TYW1B: variants seen among roughly 807,000 people sequenced by gnomAD.
TYW1B encodes tRNA-yW synthesizing protein 1 homolog B.
In TYW1B, 73 loss-of-function variants were observed where a neutral mutation model predicts 86.9. The ratio of observed to expected loss-of-function variants is 0.84; its 90% CI spans 0.70 to 1.02. The LOEUF (loss-of-function observed/expected upper bound fraction) is 1.02. Ranked by LOEUF, TYW1B falls within the 50% of genes least tolerant of loss-of-function variation. TYW1B has a pLI of 0.00. For synonymous variants in TYW1B, 248 were observed against 292.8 expected, an observed-to-expected ratio of 0.85 and a Z score of 1.56; for missense variants, 637 against 827.4, an observed-to-expected ratio of 0.77 and a Z score of 2.82.
intron 11 of TYW1B, among the ~76,000 whole-genome samples, chr7:72,678,890 A>T (rs1375729261): frequency 9.2e-5 from 14 of 151,854 alleles, no homozygotes; most frequent in African/African-American, 3.4e-4. Context: ...TGAGGCCAGG[A>T]GTTTAAGACA....
intron 13 of TYW1B, among the ~76,000 whole-genome samples, chr7:72,583,685 T>C (rs537272301): frequency 2.6e-5 from 4 of 152,184 alleles, no homozygotes; most frequent in African/African-American, 9.6e-5. Flanking sequence ...AGCCAAAAAA[T>C]GTAGGGCAGA....
At chr7:72,577,238 A>G (rs1321761761) in intron 13 of TYW1B, among the ~76,000 whole-genome samples, 2 of 152,154 alleles carry the variant, frequency 1.3e-5, no homozygotes, top group African/African-American at 4.8e-5. Flanking sequence ...TGAATTTAGA[A>G]TATTAAAATA....
At chr7:72,577,725 G>A (rs1811056035) in intron 13 of TYW1B, among the ~76,000 whole-genome samples, 1 of 152,190 alleles carries the variant, frequency 6.6e-6, no homozygotes, top group Non-Finnish European at 1.5e-5. Flanking sequence ...CAGACGGCCT[G>A]AGACTGTGCC....
intron 11 of TYW1B, among the ~76,000 whole-genome samples, chr7:72,674,657 T>G (rs1169198603): frequency 6.6e-6 from 1 of 152,156 alleles, no homozygotes; most frequent in African/African-American, 2.4e-5. Context: ...TAAGGTTGAT[T>G]CCTGTGCTTA....
intron 10 of TYW1B, among the ~76,000 whole-genome samples, chr7:72,703,296 T>C (rs1207622916): frequency 2.0e-5 from 3 of 150,916 alleles, no homozygotes; most frequent in Non-Finnish European, 4.4e-5. Flanking sequence ...AGTGCTGGGA[T>C]TACAGGCGTG....
At chr7:72,735,882 AT>A (rs1236337614) in intron 8 of TYW1B, among the ~76,000 whole-genome samples, 59 of 151,666 alleles carry the variant, frequency 3.9e-4, no homozygotes, top group African/African-American at 1.2e-3. Flanking sequence ...AAAAAAAAAA[AT>A]TCACATACCG....
chr7:72,677,751 G>T (rs554061784), intron 11 of TYW1B, among the ~76,000 whole-genome samples: 1 of 152,186 alleles, frequency 6.6e-6, no homozygotes, highest in East Asian at 1.9e-4. Flanking sequence ...CACCAGGCTG[G>T]AGTGCAGTAG....
chr7:72,652,371 C>T (rs1320794623), intron 11 of TYW1B, among the ~76,000 whole-genome samples: 3 of 82,276 alleles, frequency 3.6e-5, no homozygotes, highest in Non-Finnish European at 6.5e-5. Context: ...GAGCAAGACT[C>T]TGTCTGAAAA....
chr7:72,770,223 G>C (rs1554469249), intron 7 of TYW1B, among the ~76,000 whole-genome samples: 2 of 151,844 alleles, frequency 1.3e-5, no homozygotes, highest in Non-Finnish European at 2.9e-5. Flanking sequence ...GAGGTCAAGA[G>C]ATCAAGACCA....
At chr7:72,677,134 T>C (rs542819154) in intron 11 of TYW1B, among the ~76,000 whole-genome samples, 15 of 152,270 alleles carry the variant, frequency 9.9e-5, no homozygotes, top group African/African-American at 3.4e-4. Flanking sequence ...TGTATGTATG[T>C]ATGCATGTAT....
intron 13 of TYW1B, among the ~76,000 whole-genome samples, chr7:72,600,434 T>C (rs1811637882): frequency 6.6e-6 from 1 of 152,154 alleles, no homozygotes; most frequent in Non-Finnish European, 1.5e-5. Flanking sequence ...CTAGGTGACC[T>C]TGAATGTGGC....
intron 6 of TYW1B, among the ~76,000 whole-genome samples, chr7:72,798,143 C>T (rs1325634932): frequency 3.9e-5 from 6 of 152,144 alleles, no homozygotes; most frequent in East Asian, 1.9e-4. Context: ...GTGGCTCATG[C>T]CTGTAATCCC....
intron 11 of TYW1B, among the ~76,000 whole-genome samples, chr7:72,690,323 A>G (rs1385442244): frequency 5.3e-5 from 8 of 152,190 alleles, no homozygotes; most frequent in African/African-American, 1.9e-4. Flanking sequence ...GGACTGTTTG[A>G]CAAGTAGCTA....
chr7:72,790,396 G>A (rs2129572277), intron 6 of TYW1B, among the ~76,000 whole-genome samples: 1 of 152,250 alleles, frequency 6.6e-6, no homozygotes, highest in East Asian at 1.9e-4. Flanking sequence ...CCCTACCACA[G>A]AGGCAATCAA....
At chr7:72,705,344 A>C (rs150294799) in intron 10 of TYW1B, among the ~76,000 whole-genome samples, 3 of 152,358 alleles carry the variant, frequency 2.0e-5, no homozygotes, top group Non-Finnish European at 4.4e-5. Flanking sequence ...AAAGCAAACA[A>C]AACAGAAATA....
intron 10 of TYW1B, among the ~76,000 whole-genome samples, chr7:72,712,456 G>GTA (rs1786688874): frequency 6.6e-6 from 1 of 152,096 alleles, no homozygotes; most frequent in Non-Finnish European, 1.5e-5. Flanking sequence ...AGCCTCCCGA[G>GTA]TAGCTGGGAT....
intron 11 of TYW1B, among the ~76,000 whole-genome samples, chr7:72,693,437 G>T (rs1814224060): frequency 6.7e-6 from 1 of 148,408 alleles, no homozygotes; most frequent in African/African-American, 2.5e-5. Context: ...TTAGATAGGG[G>T]TCTCACTGTC....
intron 11 of TYW1B, among the ~76,000 whole-genome samples, chr7:72,645,399 C>T (rs1413837385): frequency 8.5e-5 from 13 of 152,092 alleles, no homozygotes; most frequent in African/African-American, 2.4e-4. Flanking sequence ...GATGACTGAA[C>T]GCAGAACACC....
intron 11 of TYW1B, among the ~76,000 whole-genome samples, chr7:72,682,302 T>C (rs1813895868): frequency 1.3e-5 from 2 of 152,180 alleles, no homozygotes; most frequent in African/African-American, 4.8e-5. Context: ...GTAGTAATGA[T>C]AGCTTATCAA....
Sources: allele counts gnomAD v4.1 joint callset (sites outside exome capture counted in the v4.1 genomes callset), GRCh38; gene constraint gnomAD v4.1.1; transcripts MANE v1.5; gene names NCBI Gene and HGNC (gene_info 2026-07-23, HGNC 2026-07-21).